Variants in TCF12 observed in about 807,000 individuals in gnomAD.
TCF12 encodes the protein transcription factor 12.
A neutral mutation model predicts 86.0 loss-of-function variants in TCF12; 45 were observed. The observed-to-expected ratio is 0.52, with a 90% CI of 0.41 to 0.67. The LOEUF (loss-of-function observed/expected upper bound fraction) is 0.67. Among genes scored for constraint, TCF12 ranks in the 30% least tolerant of loss-of-function variants. The pLI, the probability that TCF12 is intolerant of heterozygous loss-of-function variation, is 0.00. For missense variants in TCF12, 881 were observed against 859.9 expected (o/e 1.02, Z -0.31); for synonymous variants, 330 against 299.6 (o/e 1.10, Z -1.05).
chr15:57,012,476 G>A (rs72751006), intron 3 of TCF12, among the ~76,000 whole-genome samples: 16,120 of 152,140 alleles, frequency 0.11, 1,030 homozygotes, highest in South Asian at 0.17. Context: ...CTTGTACGCC[G>A]CATTGATCTA....
At chr15:56,995,688 T>C (rs946624179) in intron 3 of TCF12, among the ~76,000 whole-genome samples, 1 of 152,146 alleles carries the variant, frequency 6.6e-6, no homozygotes, top group Non-Finnish European at 1.5e-5. Context: ...TCTAGGAGCC[T>C]TATGGTATAG....
chr15:57,155,958 ATTACATAGGTAGAGGC>A (rs1196710408), intron 5 of TCF12, among the ~76,000 whole-genome samples: 3 of 152,218 alleles, frequency 2.0e-5, no homozygotes, highest in Non-Finnish European at 2.9e-5. Flanking sequence ...TCATTTCTAT[ATTACATAGGTAGAGGC>A]TGTTGAGTCT....
rs538022789 is a variant in TCF12, at chr15:56,940,508, T to C, written c.148+19410T>C. ...TCCTCCTCCTCCTCCTCCTTCTTCTTCTCCTCCTCCTCCTTCTTCTTCTCC... is the reference window on the plus strand; with the variant it reads ...TCCTCCTCCTCCTCCTCCTTCTTCTCCTCCTCCTCCTCCTTCTTCTTCTCC... On this transcript the variant is annotated intron_variant, in intron 3 of 20. Transcript: ENST00000333725. Among the ~76,000 whole-genome samples the C allele has an allele frequency of 9.7e-4, 145 of 149,590 alleles. 1 individual carries two copies. The highest frequency in any genetic ancestry group is 1.2e-3 in the Non-Finnish European group (78 of 67,510).
chr15:57,099,871 T>G (rs1415367346), intron 5 of TCF12, among the ~76,000 whole-genome samples: 6 of 152,166 alleles, frequency 3.9e-5, no homozygotes, highest in Non-Finnish European at 7.4e-5. Flanking sequence ...TTTCAGAGTT[T>G]TTTTTTTTTT....
chr15:57,050,048 C>T (rs1465456531), intron 3 of TCF12, among the ~76,000 whole-genome samples: 2 of 152,130 alleles, frequency 1.3e-5, no homozygotes, highest in Non-Finnish European at 2.9e-5. Flanking sequence ...TCACAGTTTA[C>T]TCGGAGCTTA....
At chr15:57,031,742 C>T (rs2066202417) in intron 3 of TCF12, among the ~76,000 whole-genome samples, 1 of 152,154 alleles carries the variant, frequency 6.6e-6, no homozygotes, top group African/African-American at 2.4e-5. Flanking sequence ...ACAGCCAGAT[C>T]CAGAAGCTCT....
At chr15:57,075,856 T>G (rs528215105) in intron 4 of TCF12, among the ~76,000 whole-genome samples, 1 of 133,340 alleles carries the variant, frequency 7.5e-6, no homozygotes, top group Admixed American at 8.0e-5. Context: ...TCTTTCTTTC[T>G]TTCTTTCCAT....
chr15:57,186,566 A>G lies in TCF12; in HGVS notation c.391-5592A>G, dbSNP rs189934125. ...ATTCTACCAGTCATTTAAAGAAGAA[A>G]TAATGCCAGTTCTTCCCAAACACTG... On this transcript the variant is annotated intron_variant, in intron 6 of 20. Coordinates refer to ENST00000333725, the MANE Select transcript of TCF12 (RefSeq NM_207037.2). 3.0e-4 allele frequency among the ~76,000 whole-genome samples: 45 copies of G among 152,346 alleles called. 1 individual carries two copies. In the East Asian group the frequency reaches 5.2e-3, roughly 18 times the overall value.
intron 3 of TCF12, among the ~76,000 whole-genome samples, chr15:56,949,910 A>G (rs150803702): frequency 3.5e-4 from 53 of 152,336 alleles, no homozygotes; most frequent in East Asian, 2.3e-3. Flanking sequence ...AGTGGGGAAG[A>G]CAGGAAAAGG....
At chr15:56,940,478 TCTCCTC>T (rs770271452) in intron 3 of TCF12, among the ~76,000 whole-genome samples, 48 of 147,978 alleles carry the variant, frequency 3.2e-4, no homozygotes, top group African/African-American at 7.4e-4. Flanking sequence ...TTCTTCTTCT[TCTCCTC>T]CTCCTCCTCC....
chr15:57,126,437 T>G (rs1157281484), intron 5 of TCF12, among the ~76,000 whole-genome samples: 1 of 152,164 alleles, frequency 6.6e-6, no homozygotes, highest in African/African-American at 2.4e-5. Flanking sequence ...TTTCATAATC[T>G]CTACTCTCCA....
chr15:57,257,677 GTGTATA>G (rs2060408252), intron 16 of TCF12, among the ~76,000 whole-genome samples: 1 of 16,228 alleles, frequency 6.2e-5, no homozygotes, highest in African/African-American at 2.0e-4. Context: ...AAAAAAAAAA[GTGTATA>G]TATATATATA....
At chr15:57,032,009 C>G (rs543753330) in intron 3 of TCF12, among the ~76,000 whole-genome samples, 1 of 151,888 alleles carries the variant, frequency 6.6e-6, no homozygotes, top group African/African-American at 2.4e-5. Flanking sequence ...ACTCTATCCT[C>G]TCAATGTTTT....
At chr15:57,200,698 T>C (rs758347549) in intron 8 of TCF12, among the ~76,000 whole-genome samples, 22 of 152,230 alleles carry the variant, frequency 1.4e-4, no homozygotes, top group Non-Finnish European at 2.8e-4. Flanking sequence ...ATCTGTATAA[T>C]TTGATCATGT....
intron 5 of TCF12, among the ~76,000 whole-genome samples, chr15:57,095,919 T>G (rs141289195): frequency 3.3e-5 from 5 of 152,292 alleles, no homozygotes; most frequent in African/African-American, 1.2e-4. Flanking sequence ...TTGCAAATGA[T>G]TAAAACTAAG....
intron 3 of TCF12, among the ~76,000 whole-genome samples, chr15:57,003,633 G>T (rs557567906): frequency 6.6e-6 from 1 of 152,212 alleles, no homozygotes; most frequent in African/African-American, 2.4e-5. Context: ...CCTATTCGTT[G>T]TCTGCTGGGA....
intron 3 of TCF12, among the ~76,000 whole-genome samples, chr15:57,031,237 A>G (rs1179934722): frequency 1.3e-5 from 2 of 152,116 alleles, no homozygotes; most frequent in African/African-American, 4.8e-5. Context: ...GCTCCTGTCA[A>G]GTGATTGCTA....
chr15:57,036,482 G>T (rs1387010918), intron 3 of TCF12, among the ~76,000 whole-genome samples: 1 of 151,988 alleles, frequency 6.6e-6, no homozygotes, highest in Admixed American at 6.6e-5. Context: ...AGCATATGAG[G>T]GTTCTAATTT....
chr15:56,925,073 C>T (rs1011306872), intron 3 of TCF12, among the ~76,000 whole-genome samples: 1 of 152,130 alleles, frequency 6.6e-6, no homozygotes, highest in East Asian at 1.9e-4. Flanking sequence ...ATGGTGGGCA[C>T]CTGTAATCCC....
Sources: gnomAD v4.1 joint callset for allele counts (sites outside exome capture counted in the v4.1 genomes callset) on GRCh38, gnomAD v4.1.1 for gene constraint, MANE v1.5 for transcripts, NCBI Gene and HGNC (gene_info 2026-07-23, HGNC 2026-07-21) for gene names.